PPARGC1A: variants seen among roughly 807,000 people sequenced by gnomAD.
The protein encoded by PPARGC1A is peroxisome proliferator-activated receptor gamma coactivator 1-alpha.
PPARGC1A carries 25 observed loss-of-function variants against 88.7 expected under a neutral mutation model. That is an observed-to-expected ratio of 0.28 (90% confidence interval 0.21 to 0.39). The LOEUF (loss-of-function observed/expected upper bound fraction) is 0.39. Among genes scored for constraint, PPARGC1A ranks in the 10% least tolerant of loss-of-function variants. The pLI is 1.00. For missense variants in PPARGC1A, 880 were observed against 968.7 expected (o/e 0.91, Z 1.22); for synonymous variants, 363 against 355.6 (o/e 1.02, Z -0.24).
chr4:24,180,013 C>G, the PPARGC1A span, among the ~76,000 whole-genome samples: 184 of 152,210 alleles, frequency 1.2e-3, 1 homozygote, highest in African/African-American at 4.3e-3. Flanking sequence ...CTAGGATGTA[C>G]CATTGTCACT....
At chr4:24,441,117 CAGTTGTTTGTT>C in the PPARGC1A span, among the ~76,000 whole-genome samples, 2 of 152,116 alleles carry the variant, frequency 1.3e-5, no homozygotes, top group East Asian at 3.8e-4. Flanking sequence ...TTCAGTTCAT[CAGTTGTTTGTT>C]AGAGAGATAC....
At chr4:24,323,283 A>G in the PPARGC1A span, among the ~76,000 whole-genome samples, 2 of 152,228 alleles carry the variant, frequency 1.3e-5, no homozygotes, top group Non-Finnish European at 2.9e-5. Flanking sequence ...GGAACACTGA[A>G]TGTCAGGCCT....
chr4:24,466,330 A>G, the PPARGC1A span, among the ~76,000 whole-genome samples: 70 of 152,246 alleles, frequency 4.6e-4, no homozygotes, highest in African/African-American at 1.5e-3. Flanking sequence ...ACCATTGCCA[A>G]ACTTGCCAGA....
chr4:24,134,922 A>C, the PPARGC1A span, among the ~76,000 whole-genome samples: 2 of 152,150 alleles, frequency 1.3e-5, no homozygotes, highest in African/African-American at 2.4e-5. Context: ...TTCTGGTCTC[A>C]TCTGTGCCTT....
the PPARGC1A span, among the ~76,000 whole-genome samples, chr4:23,951,163 C>T: frequency 2.2e-4 from 33 of 152,150 alleles, no homozygotes; most frequent in Non-Finnish European, 3.5e-4. Flanking sequence ...GTCAAACACA[C>T]GGATTTTGAT....
At chr4:23,978,619 T>G in the PPARGC1A span, among the ~76,000 whole-genome samples, 1 of 152,196 alleles carries the variant, frequency 6.6e-6, no homozygotes, top group Non-Finnish European at 1.5e-5. Flanking sequence ...AGCAAAACTA[T>G]ACCAGATTAA....
At chr4:24,387,585 A>ATGGTAGCTCATGC in the PPARGC1A span, among the ~76,000 whole-genome samples, 7 of 151,776 alleles carry the variant, frequency 4.6e-5, no homozygotes, top group African/African-American at 1.2e-4. Flanking sequence ...TTAGCTGAGC[A>ATGGTAGCTCATGC]TGGTAGCTCA....
the PPARGC1A span, among the ~76,000 whole-genome samples, chr4:24,339,229 T>G: frequency 1.0e-5 from 1 of 100,052 alleles, no homozygotes; most frequent in Non-Finnish European, 2.2e-5. Flanking sequence ...TATATATATA[T>G]ATATATATAC....
At chr4:23,851,045 G>A (rs1381827209) in intron 2 of PPARGC1A, among the ~76,000 whole-genome samples, 2 of 152,136 alleles carry the variant, frequency 1.3e-5, no homozygotes. Context: ...AGTTGCTGCA[G>A]TTCAGAAGTT....
chr4:23,890,601 G>GTTTTT (rs1717684938), upstream of PPARGC1A, among the ~76,000 whole-genome samples: 1 of 88,972 alleles, frequency 1.1e-5, no homozygotes, highest in East Asian at 3.8e-4. Flanking sequence ...CGCAAACGGG[G>GTTTTT]CTTTTTTTTT....
the PPARGC1A span, among the ~76,000 whole-genome samples, chr4:24,438,406 C>CCA: frequency 2.0e-5 from 3 of 152,172 alleles, no homozygotes; most frequent in African/African-American, 7.2e-5. Context: ...AATACCCATA[C>CCA]CACTGGCTGA....
the PPARGC1A span, among the ~76,000 whole-genome samples, chr4:24,171,701 G>A: frequency 6.6e-6 from 1 of 152,076 alleles, no homozygotes; most frequent in Admixed American, 6.6e-5. Flanking sequence ...CATATTTACA[G>A]GAAGCACATG....
the PPARGC1A span, among the ~76,000 whole-genome samples, chr4:24,447,408 C>A: frequency 6.6e-6 from 1 of 152,248 alleles, no homozygotes; most frequent in South Asian, 2.1e-4. Flanking sequence ...AGGGATGCGG[C>A]ACTGGAGCTG....
At chr4:24,115,750 C>T in the PPARGC1A span, among the ~76,000 whole-genome samples, 1 of 152,228 alleles carries the variant, frequency 6.6e-6, no homozygotes, top group East Asian at 1.9e-4. Context: ...AATGGCTCTT[C>T]TTCATTTCCC....
the PPARGC1A span, among the ~76,000 whole-genome samples, chr4:24,290,995 C>G: frequency 6.6e-6 from 1 of 152,310 alleles, no homozygotes; most frequent in East Asian, 1.9e-4. Context: ...TTTCTCCACC[C>G]TCCATTGCTC....
the PPARGC1A span, among the ~76,000 whole-genome samples, chr4:24,042,859 T>C: frequency 1.3e-5 from 2 of 152,232 alleles, no homozygotes; most frequent in Non-Finnish European, 2.9e-5. Context: ...CATAGATACA[T>C]AAACTGCATC....
chr4:23,882,765 A>G (rs1270787365), intron 2 of PPARGC1A: 2 of 152,184 alleles, frequency 1.3e-5, no homozygotes, highest in East Asian at 3.9e-4. Context: ...AAGCACCTAC[A>G]TGTAGATAAT....
the PPARGC1A span, among the ~76,000 whole-genome samples, chr4:24,222,020 C>G: frequency 1.3e-5 from 2 of 151,828 alleles, no homozygotes; most frequent in Non-Finnish European, 2.9e-5. Flanking sequence ...CCATTGATAA[C>G]ACACTGGGGG....
chr4:24,095,554 G>A, the PPARGC1A span, among the ~76,000 whole-genome samples: 10 of 152,004 alleles, frequency 6.6e-5, no homozygotes, highest in Non-Finnish European at 1.3e-4. Flanking sequence ...CAGGGAGAAG[G>A]CCATATGAGG....
Sources: gnomAD v4.1 joint callset for allele counts (sites outside exome capture counted in the v4.1 genomes callset) on GRCh38, gnomAD v4.1.1 for gene constraint, MANE v1.5 for transcripts, NCBI Gene and HGNC (gene_info 2026-07-23, HGNC 2026-07-21) for gene names.